The following XYLT2 variants were observed in gnomAD, a reference collection of about 807,000 sequenced individuals.
The protein encoded by XYLT2 is UDP-D-xylose:proteoglycan core protein beta-D-xylosyltransferase.
XYLT2 carries 37 observed loss-of-function variants against 82.6 expected under a neutral mutation model. That is an observed-to-expected ratio of 0.45 (90% CI 0.34 to 0.59). The LOEUF (loss-of-function observed/expected upper bound fraction) is 0.59. Among genes scored for constraint, XYLT2 ranks in the 20% least tolerant of loss-of-function variants. The pLI is 0.01. For missense variants in XYLT2, 934 were observed against 1,181.3 expected (o/e 0.79, Z 3.07); for synonymous variants, 474 against 499.0 (o/e 0.95, Z 0.67).
At chr17:50,354,383 G>A (rs1181334213) in intron 2 of XYLT2, 25 bp from the exon 3 acceptor site, 15 of 1,583,072 alleles carry the variant, frequency 9.5e-6, no homozygotes, top group Admixed American at 1.7e-5. Flanking sequence ...GGTGGGCCTC[G>A]CCAACGCCTG....
chr17:50,355,600 AG>A lies in XYLT2; in HGVS notation c.1088+21del, dbSNP rs1912485990. The A allele has an allele frequency of 6.2e-7, 1 of 1,613,684 alleles. No homozygotes were observed. The highest frequency in any genetic ancestry group is 1.3e-5 in the African/African-American group (1 of 74,968). The stretch of plus-strand genomic sequence containing the variant: ...ACTCCAGGTGAGGGGGTGGGGAAGG[AG>A]GCCCTGGCCCCAGAGTCTTGTCCCA... On this transcript the variant is annotated intron_variant, in intron 5 of 10. Coordinates refer to ENST00000017003, the MANE Select transcript of XYLT2 (RefSeq NM_022167.4).
Position 50,356,516 on chromosome 17 carries a change from C to G in XYLT2, c.1488C>G (p.Val496=). 6.2e-7 allele frequency: 1 copy of G among 1,614,022 alleles called. No individual in the cohort carries two copies. The highest frequency in any genetic ancestry group is 8.5e-7 in the Non-Finnish European group (1 of 1,179,964). The change falls in exon 8 of 11, where the codon GTC becomes GTG. Residue 496 remains valine, a synonymous_variant. Coordinates refer to ENST00000017003, the MANE Select transcript of XYLT2 (RefSeq NM_022167.4). ...CCTTGCCTCTCCCACTCCAGCAAGT[C>G]TCCAGACCCACCTTCTTCGCCCGGA... ...KPQDFLRLQQ[V]SRPTFFARKF...
chr17:50,349,197 G>C (rs1003755674), intron 1 of XYLT2, among the ~76,000 whole-genome samples: 2 of 152,178 alleles, frequency 1.3e-5, no homozygotes, highest in East Asian at 1.9e-4. Flanking sequence ...GCTTCCACTC[G>C]GAGAGCCTAC....
rs115928270 is a variant in XYLT2, at chr17:50,348,145, A to G, written c.135+1870A>G. ...ATTCCACAAATAGGTGTGAAGTCCT[A>G]CTTTGTACTAGACACTGTGCTAATA... On this transcript the variant is annotated intron_variant, in intron 1 of 10. Transcript: ENST00000017003. Among the ~76,000 whole-genome samples the G allele has an allele frequency of 5.9e-3, 903 of 152,332 alleles. 12 individuals are homozygous for G. The highest frequency in any genetic ancestry group is 0.02 in the African/African-American group (833 of 41,574).
chr17:50,361,005 T>TCC lies in XYLT2; in HGVS notation c.*715_*716dup. 1.0e-6 allele frequency: 1 copy of TCC among 985,866 alleles called. No homozygotes were observed. The highest frequency in any genetic ancestry group is 1.2e-6 in the Non-Finnish European group (1 of 829,954). The allele number at this position is 985,866 out of a possible 1,614,324, so 61.1% of individuals were successfully genotyped here. On this transcript the variant is annotated 3_prime_UTR_variant, in exon 11 of 11. Transcript: ENST00000017003. The stretch of plus-strand genomic sequence containing the variant: ...GGCCCACTGAGACCCATGCAGAGTT[T>TCC]CCAGGTGTGCACTGGAAGTGAGGTC...
rs558698434 is a variant in XYLT2 at position 50,358,677 on chromosome 17, ATCT to A, written c.2275+142_2275+144del. 118 of 926,208 alleles carry A rather than the reference ATCT, an allele frequency of 1.3e-4. No homozygotes were observed. The East Asian group carries it at 3.0e-3, about 24-fold the overall frequency. The allele number at this position is 926,208 out of a possible 1,614,324, so 57.4% of individuals were successfully genotyped here. A position where few individuals can be genotyped will look rare whatever the true frequency, so the allele number is the denominator to read the frequency against. ...GAAGCATGGAAGGGCTGGGGCCTTC[ATCT>A]TCTTTCCTGTAGCATGCAGGGTCCT... On this transcript the variant is annotated intron_variant, in intron 10 of 10. Coordinates refer to ENST00000017003, the MANE Select transcript of XYLT2 (RefSeq NM_022167.4).
Position 50,360,864 on chromosome 17 carries a change from C to T in XYLT2, c.*573C>T. The T allele has an allele frequency of 1.0e-6, 1 of 985,952 alleles. No individual in the cohort carries two copies. The highest frequency in any genetic ancestry group is 1.2e-6 in the Non-Finnish European group (1 of 829,998). The allele number at this position is 985,952 out of a possible 1,614,324, so 61.1% of individuals were successfully genotyped here. A position where few individuals can be genotyped will look rare whatever the true frequency, so the allele number is the denominator to read the frequency against. On this transcript the variant is annotated 3_prime_UTR_variant, in exon 11 of 11. Coordinates refer to ENST00000017003, the MANE Select transcript of XYLT2 (RefSeq NM_022167.4). ...AGAACAGGTGATATCGGGGGCGCTG[C>T]AGAGCTGGGCTCTAGCAGGACAGTT...
chr17:50,350,699 A>T (rs532516836), intron 1 of XYLT2, among the ~76,000 whole-genome samples: 4 of 152,250 alleles, frequency 2.6e-5, no homozygotes, highest in South Asian at 2.1e-4. Flanking sequence ...AAGACAAATT[A>T]AAAAAACAGT....
rs1912648730 is a variant in XYLT2, at chr17:50,358,420, A to G, written c.2155A>G (p.Ser719Gly). 3 of 1,613,990 alleles carry G rather than the reference A, an allele frequency of 1.9e-6. No homozygotes were observed. Among genetic ancestry groups the G allele is most frequent in the African/African-American group, 2.7e-5 (2 of 74,928 alleles). The change falls in exon 10 of 11, where the codon AGC becomes GGC. Residue 719 changes from serine (S) to glycine (G), a missense_variant. Coordinates refer to ENST00000017003, the MANE Select transcript of XYLT2 (RefSeq NM_022167.4). ...GGTCACGCAATACAAGCCCCCACTGAGCCGGCCCCTGCGGCCAGGGCCCTG... is the reference window on the plus strand; with the variant it reads ...GGTCACGCAATACAAGCCCCCACTGGGCCGGCCCCTGCGGCCAGGGCCCTG... The part of the protein sequence containing the change: ...TEVTQYKPPL[S>G]RPLRPGPWTV...
rs894426597 is a variant in XYLT2, at chr17:50,353,658, T to C, written c.164T>C (p.Leu55Pro). The C allele has an allele frequency of 1.9e-6, 3 of 1,567,232 alleles. No homozygotes were observed. The highest frequency in any genetic ancestry group is 2.6e-6 in the Non-Finnish European group (3 of 1,154,868). ...EKGRQRKPRP[L>P]DPGEGSKDTD... is the part of the protein sequence containing the mutation. Reference sequence around the variant, plus strand: ...GGAAGGCAGAGGAAGCCACGGCCACTGGACCCTGGCGAGGGTTCCAAGGAC... The same window carrying C: ...GGAAGGCAGAGGAAGCCACGGCCACCGGACCCTGGCGAGGGTTCCAAGGAC... Residue 55 changes from leucine (L) to proline (P), a missense_variant, in exon 2 of 11, where the codon CTG becomes CCG. Leu to Pro is a moderately conservative substitution (Grantham distance 98, BLOSUM62 -3). This residue lies in a region of XYLT2 where 371 missense variants were observed against 394.9 expected (regional missense o/e 0.94). Coordinates refer to ENST00000017003, the MANE Select transcript of XYLT2 (RefSeq NM_022167.4).
In XYLT2 at chr17:50,360,959, G is replaced by C; in HGVS notation, c.*668G>C. 1 of 985,900 alleles carries C rather than the reference G, an allele frequency of 1.0e-6. No homozygotes were observed. 61.1% of individuals were successfully genotyped at this position (985,900 alleles called of 1,614,324 possible). A position where few individuals can be genotyped will look rare whatever the true frequency, so the allele number is the denominator to read the frequency against. On this transcript the variant is annotated 3_prime_UTR_variant, in exon 11 of 11. Transcript: ENST00000017003. ...GGGCTTTCCAGCATACCCTGCCCCTGGATGGGAAAGGCAGGGTCAGGGCCC... is the reference window on the plus strand; with the variant it reads ...GGGCTTTCCAGCATACCCTGCCCCTCGATGGGAAAGGCAGGGTCAGGGCCC...
In XYLT2 at chr17:50,356,281, A is replaced by G. The variant is rs548931370; in HGVS notation, c.1482+20A>G. The G allele has an allele frequency of 5.0e-6, 8 of 1,610,358 alleles. No homozygotes were observed. The highest frequency in any genetic ancestry group is 1.7e-4 in the Middle Eastern group (1 of 6,032). ...CTGCAGGTGCTTGCCCGAGGCCCCA[A>G]GGCCCCTGGCTAGGTCTTCTCCCCT... On this transcript the variant is annotated intron_variant, in intron 7 of 10. Coordinates refer to ENST00000017003, the MANE Select transcript of XYLT2 (RefSeq NM_022167.4).
At chr17:50,357,916 A>T in intron 9 of XYLT2, 1 of 387,414 alleles carries the variant, frequency 2.6e-6, no homozygotes, top group Non-Finnish European at 4.6e-6. Context: ...CTTTGGCTTC[A>T]TGTGGGAATG....
chr17:50,353,305 A>C (rs1051091049), intron 1 of XYLT2, among the ~76,000 whole-genome samples: 2 of 152,106 alleles, frequency 1.3e-5, no homozygotes, highest in Non-Finnish European at 2.9e-5. Context: ...ACACACGTAG[A>C]TATTTATTTT....
At position 50,360,067 on chromosome 17, in the gene XYLT2, C is replaced by T. The variant is rs767567626; in HGVS notation, c.2374C>T (p.Leu792Phe). ...SSILNLPQPE[L>F]AEEAAQRHTQ... ...CATCCTGAACCTGCCTCAGCCGGAG[C>T]TCGCGGAGGAGGCTGCCCAGCGGCA... The change falls in exon 11 of 11, where the codon CTC (leucine) becomes TTC (phenylalanine). Residue 792 changes from leucine (L) to phenylalanine (F), a missense_variant. Coordinates refer to ENST00000017003, the MANE Select transcript of XYLT2 (RefSeq NM_022167.4). 1 of 1,613,878 alleles carries T rather than the reference C, an allele frequency of 6.2e-7. No homozygotes were observed. Among genetic ancestry groups the T allele is most frequent in the Non-Finnish European group, 8.5e-7 (1 of 1,179,988 alleles).
At chr17:50,354,341 T>G in intron 2 of XYLT2, 67 bp from the exon 3 acceptor site, 1 of 1,528,308 alleles carries the variant, frequency 6.5e-7, no homozygotes, top group Non-Finnish European at 8.8e-7. Context: ...GGCAGCTCCC[T>G]CTTCCCATCT....
Position 50,346,181 on chromosome 17 carries a change from A to G in XYLT2, c.41A>G (p.Tyr14Cys). The change falls in exon 1 of 11, where the codon TAC (tyrosine) becomes TGC (cysteine). Residue 14 changes from tyrosine to cysteine, a missense_variant. Tyr to Cys is a radical substitution (Grantham distance 194). This residue lies in a region of XYLT2 where 371 missense variants were observed against 394.9 expected (regional missense o/e 0.94). Transcript: ENST00000017003. This position sits in a 1 kb window ranked among gnomAD's most constrained non-coding sequence, Gnocchi z 5.1. ...SARVQKLVRR[Y>C]KLAIATALAI... ...CGAGTGCAGAAGCTGGTGCGGCGCT[A>G]CAAGCTGGCGATTGCCACGGCGCTG... 1 of 1,287,438 alleles carries G rather than the reference A, an allele frequency of 7.8e-7. No individual in the cohort carries two copies. Among genetic ancestry groups the G allele is most frequent in the Non-Finnish European group, 1.0e-6 (1 of 991,394 alleles). The allele number at this position is 1,287,438 out of a possible 1,614,324, so 79.8% of individuals were successfully genotyped here. A position where few individuals can be genotyped will look rare whatever the true frequency, so the allele number is the denominator to read the frequency against.
chr17:50,348,910 G>C (rs1912145766), intron 1 of XYLT2, among the ~76,000 whole-genome samples: 1 of 152,202 alleles, frequency 6.6e-6, no homozygotes. Flanking sequence ...GCCTGTGAGG[G>C]GCACAAGGCT....
chr17:50,354,251 C>G, intron 2 of XYLT2, 129 bp downstream of exon 2: 1 of 1,516,930 alleles, frequency 6.6e-7, no homozygotes, highest in Non-Finnish European at 8.8e-7. Context: ...AAGTCTTCAT[C>G]CAGTGTACTT....
Sources: allele counts gnomAD v4.1 joint callset (sites outside exome capture counted in the v4.1 genomes callset), GRCh38; gene constraint gnomAD v4.1.1; regional missense constraint gnomAD v4.1.1; non-coding constraint Gnocchi (gnomAD v3.1); transcripts MANE v1.5; gene names NCBI Gene and HGNC (gene_info 2026-07-23, HGNC 2026-07-21).